Variants in MYOM1 observed in about 807,000 individuals in gnomAD.
MYOM1 encodes the protein myomesin 1.
In MYOM1, 164 loss-of-function variants were observed where a neutral mutation model predicts 205.3. The observed-to-expected ratio is 0.80, with a 90% CI of 0.70 to 0.91. The LOEUF is 0.91. MYOM1 is among the 40% of genes least tolerant of loss of function. The pLI is 0.00. For synonymous variants in MYOM1, 772 were observed against 789.4 expected (o/e 0.98, Z 0.37); for missense variants, 2,011 against 2,127.3 (o/e 0.95, Z 1.08).
chr18:3,226,410 C>T, the MYOM1 span, among the ~76,000 whole-genome samples: 1 of 152,104 alleles, frequency 6.6e-6, no homozygotes, highest in Non-Finnish European at 1.5e-5. This position sits in a 1 kb window ranked among gnomAD's most constrained non-coding sequence, Gnocchi z 4.6. Context: ...ACCCTATGAG[C>T]CTCCATAATT....
chr18:3,089,327 C>T, intron 28 of MYOM1, 86 bp from the exon 29 acceptor site: 1 of 1,050,792 alleles, frequency 9.5e-7, no homozygotes. Context: ...AGGTGATTTA[C>T]ATCTGAAGTC....
chr18:3,231,266 CAA>C, the MYOM1 span, among the ~76,000 whole-genome samples: 1 of 152,120 alleles, frequency 6.6e-6, no homozygotes, highest in South Asian at 2.1e-4. Flanking sequence ...GAACGAAAGT[CAA>C]AGAGGCTGAA....
At chr18:3,116,231 C>G in intron 21 of MYOM1, 100 bp downstream of exon 21, 2 of 1,291,964 alleles carry the variant, frequency 1.5e-6, no homozygotes, top group Non-Finnish European at 2.1e-6. Context: ...ATATATGAAA[C>G]AGATCAAAGC....
rs200188334 is a variant in MYOM1, at chr18:3,090,786, A to G, written c.3881T>C (p.Ile1294Thr). ...TTCGATGATGCCAGTGTTTCGGTCA[A>G]TATGCATTTTATATTTCTTCAGTGT... ...IFEGPKYKMH[I>T]DRNTGIIEMF... Residue 1294 changes from isoleucine to threonine, a missense_variant, in exon 27 of 38, where the codon ATT becomes ACT. Transcript: ENST00000356443. The G allele has an allele frequency of 3.1e-6, 5 of 1,613,956 alleles. No homozygotes were observed. The East Asian group carries it at 8.9e-5, about 29-fold the overall frequency.
At chr18:3,194,073 T>A in intron 2 of MYOM1, 115 bp from the exon 3 acceptor site, 1 of 1,016,008 alleles carries the variant, frequency 9.8e-7, no homozygotes, top group Non-Finnish European at 1.4e-6. Context: ...AGATCTCTAA[T>A]GTTACAATTA....
In MYOM1 at chr18:3,143,001, A is replaced by C. The variant is rs192868700; in HGVS notation, c.1901-938T>G. ...AAGAAATAATGATGAAAAATTTCCA[A>C]ATCTGATGAAAACTACGAACTCACA... On this transcript the variant is annotated intron_variant, in intron 13 of 37. Transcript: ENST00000356443. 2.4e-3 allele frequency among the ~76,000 whole-genome samples: 362 copies of C among 152,328 alleles called. 2 individuals carry two copies. The highest frequency in any genetic ancestry group is 8.3e-3 in the African/African-American group (343 of 41,564).
At chr18:3,087,819 T>A (rs1264354365) in intron 29 of MYOM1, among the ~76,000 whole-genome samples, 2 of 152,128 alleles carry the variant, frequency 1.3e-5, no homozygotes, top group Non-Finnish European at 2.9e-5. Context: ...TTATTTTTTT[T>A]TTTGAGTAGA....
intron 9 of MYOM1, among the ~76,000 whole-genome samples, chr18:3,165,282 T>A: frequency 6.6e-6 from 1 of 152,334 alleles, no homozygotes; most frequent in Non-Finnish European, 1.5e-5. Context: ...AAGTGTGAAT[T>A]TATACAGTTT....
At chr18:3,127,299 A>ATTTT (rs1567920743) in intron 18 of MYOM1, among the ~76,000 whole-genome samples, 4 of 49,892 alleles carry the variant, frequency 8.0e-5, no homozygotes, top group African/African-American at 3.7e-4. Context: ...ATATATATAT[A>ATTTT]TATATATTTT....
chr18:3,124,619 G>A (rs894141459), intron 19 of MYOM1, among the ~76,000 whole-genome samples: 3 of 151,944 alleles, frequency 2.0e-5, no homozygotes, highest in South Asian at 2.1e-4. Flanking sequence ...GTGAGCCACC[G>A]CGCCCGGCCC....
chr18:3,230,927 G>A, the MYOM1 span, among the ~76,000 whole-genome samples: 1 of 152,228 alleles, frequency 6.6e-6, no homozygotes, highest in Non-Finnish European at 1.5e-5. Context: ...CCAAGGCTCA[G>A]AGAGGTTAGG....
chr18:3,164,522 G>T, intron 9 of MYOM1, 83 bp from the exon 10 acceptor site: 1 of 1,284,690 alleles, frequency 7.8e-7, no homozygotes, highest in Non-Finnish European at 1.1e-6. Flanking sequence ...CCTCTCCTTA[G>T]CCTTTTCTAT....
At chr18:3,202,729 C>T (rs78227880) in intron 2 of MYOM1, among the ~76,000 whole-genome samples, 1,621 of 152,196 alleles carry the variant, frequency 0.011, 24 homozygotes, top group African/African-American at 0.036. Flanking sequence ...CAATATTCCA[C>T]TCTCAATAAC....
intron 3 of MYOM1, chr18:3,190,279 A>G (rs1468056445): frequency 6.6e-6 from 1 of 152,228 alleles, no homozygotes; most frequent in African/African-American, 2.4e-5. Flanking sequence ...GATTACATCG[A>G]AGATTCTCTT....
chr18:3,245,233 T>C, the MYOM1 span, among the ~76,000 whole-genome samples: 7 of 152,232 alleles, frequency 4.6e-5, no homozygotes, highest in African/African-American at 1.7e-4. Flanking sequence ...AGTCAAGTAT[T>C]TCTTAGTGAA....
chr18:3,086,502 T>TCC (rs1353501034), intron 29 of MYOM1, among the ~76,000 whole-genome samples: 1 of 141,206 alleles, frequency 7.1e-6, no homozygotes, highest in East Asian at 1.9e-4. Context: ...TCCCATCAGA[T>TCC]TAAAATACAG....
At chr18:3,193,329 CATATATATGTACATATACATAT>C (rs2080941811) in intron 3 of MYOM1, among the ~76,000 whole-genome samples, 1 of 144,438 alleles carries the variant, frequency 6.9e-6, no homozygotes, top group African/African-American at 2.6e-5. Flanking sequence ...TGTACATATA[CATATATATGTACATATACATAT>C]ATATATATAT....
intron 13 of MYOM1, among the ~76,000 whole-genome samples, chr18:3,144,714 A>G (rs547583913): frequency 9.4e-4 from 143 of 152,328 alleles, no homozygotes; most frequent in African/African-American, 3.3e-3. Context: ...AAGCAAAAAA[A>G]CATTACCATG....
chr18:3,161,523 C>T (rs1019453988), intron 10 of MYOM1, among the ~76,000 whole-genome samples: 8 of 152,184 alleles, frequency 5.3e-5, no homozygotes, highest in African/African-American at 1.9e-4. Flanking sequence ...GAGGGCAATT[C>T]GGCCTCTGCC....
Sources: gnomAD v4.1 joint callset for allele counts (sites outside exome capture counted in the v4.1 genomes callset) on GRCh38, gnomAD v4.1.1 for gene constraint, Gnocchi (gnomAD v3.1) non-coding constraint, MANE v1.5 for transcripts, NCBI Gene and HGNC (gene_info 2026-07-23, HGNC 2026-07-21) for gene names.